Variants in SDK1 observed in about 807,000 individuals in gnomAD.
The protein encoded by SDK1 is protein sidekick-1.
In SDK1, 157 loss-of-function variants were observed where a neutral mutation model predicts 245.5. The ratio of observed to expected loss-of-function variants is 0.64; its 90% CI spans 0.56 to 0.73. The LOEUF is 0.73. SDK1 is among the 30% of genes least tolerant of loss of function. SDK1 has a pLI of 0.00. For synonymous variants in SDK1, 1,647 were observed against 1,278.5 expected, an observed-to-expected ratio of 1.29 and a Z score of -6.15; for missense variants, 3,583 against 3,002.3, an observed-to-expected ratio of 1.19 and a Z score of -4.52.
chr7:4,244,764 C>G (rs1468319838), intron 43 of SDK1, among the ~76,000 whole-genome samples: 1 of 152,100 alleles, frequency 6.6e-6, no homozygotes, highest in Admixed American at 6.6e-5. Flanking sequence ...GAATCTTCTT[C>G]CAAGCTCATT....
chr7:4,107,141 G>T (rs1232046471), intron 22 of SDK1, among the ~76,000 whole-genome samples: 2 of 148,126 alleles, frequency 1.4e-5, no homozygotes, highest in Non-Finnish European at 3.0e-5. Context: ...GGGTGGGGAG[G>T]GTGGGGAGGG....
intron 4 of SDK1, among the ~76,000 whole-genome samples, chr7:3,658,310 G>A (rs1027111194): frequency 6.6e-6 from 1 of 152,124 alleles, no homozygotes; most frequent in Non-Finnish European, 1.5e-5. Context: ...TTGCTTCCAA[G>A]TGACAGCCCC....
chr7:4,119,176 G>A (rs1219718007), intron 25 of SDK1, among the ~76,000 whole-genome samples: 2 of 148,648 alleles, frequency 1.3e-5, no homozygotes, highest in Admixed American at 1.3e-4. Context: ...TGGGCTGGGG[G>A]CTGTGATTCG....
chr7:3,581,141 G>C, intron 1 of SDK1, among the ~76,000 whole-genome samples: 1 of 152,080 alleles, frequency 6.6e-6, no homozygotes, highest in Admixed American at 6.6e-5. Context: ...AGCTTTTGCA[G>C]AGCAAAATAA....
chr7:4,229,601 G>A (rs972982426), intron 40 of SDK1, among the ~76,000 whole-genome samples: 1 of 152,050 alleles, frequency 6.6e-6, no homozygotes, highest in Non-Finnish European at 1.5e-5. Flanking sequence ...CTCAGGAGCA[G>A]GAAAGCATTA....
intron 1 of SDK1, among the ~76,000 whole-genome samples, chr7:3,443,851 G>A (rs1486943817): frequency 6.6e-6 from 1 of 152,190 alleles, no homozygotes; most frequent in Admixed American, 6.5e-5. Context: ...GTATAATAAA[G>A]TGCAAACTGA....
intron 34 of SDK1, 35 bp from the exon 35 acceptor site, chr7:4,178,450 G>C: frequency 1.3e-6 from 2 of 1,487,980 alleles, no homozygotes; most frequent in Non-Finnish European, 1.9e-6. Flanking sequence ...GGTGGTCCTG[G>C]TGGAAGCTGA....
At chr7:3,654,607 T>C (rs939332237) in intron 4 of SDK1, among the ~76,000 whole-genome samples, 1 of 152,166 alleles carries the variant, frequency 6.6e-6, no homozygotes, top group African/African-American at 2.4e-5. Flanking sequence ...TCTTCTCTTT[T>C]GGTGATGCTT....
intron 1 of SDK1, among the ~76,000 whole-genome samples, chr7:3,438,586 T>C (rs756648319): frequency 2.6e-5 from 4 of 152,144 alleles, no homozygotes; most frequent in African/African-American, 4.8e-5. Context: ...AGTTGGTCAG[T>C]AGGATGGTTA....
At chr7:3,869,889 A>G (rs1249075370) in intron 5 of SDK1, among the ~76,000 whole-genome samples, 1 of 152,208 alleles carries the variant, frequency 6.6e-6, no homozygotes, top group Non-Finnish European at 1.5e-5. Flanking sequence ...CCCACAGGGT[A>G]GGAAAAGAAA....
At chr7:3,407,841 A>C (rs369776210) in intron 1 of SDK1, among the ~76,000 whole-genome samples, 3 of 152,264 alleles carry the variant, frequency 2.0e-5, no homozygotes, top group African/African-American at 7.2e-5. Flanking sequence ...AAATCATTTA[A>C]CTGCCACTTA....
chr7:3,937,145 A>C (rs1780189722), intron 5 of SDK1, among the ~76,000 whole-genome samples: 1 of 151,920 alleles, frequency 6.6e-6, no homozygotes, highest in Non-Finnish European at 1.5e-5. Context: ...GAAACTTCTC[A>C]GCTCTCTTAC....
At chr7:4,244,526 C>G (rs1786718872) in intron 43 of SDK1, among the ~76,000 whole-genome samples, 2 of 152,196 alleles carry the variant, frequency 1.3e-5, no homozygotes, top group African/African-American at 4.8e-5. Flanking sequence ...TTACTCAGCT[C>G]AGATAGTCAC....
At chr7:3,751,909 C>G (rs28439431) in intron 4 of SDK1, among the ~76,000 whole-genome samples, 6,212 of 152,140 alleles carry the variant, frequency 0.041, 406 homozygotes, top group African/African-American at 0.14. Flanking sequence ...GTGGTTATAT[C>G]TAATATTTTG....
chr7:3,736,268 T>G (rs1779315438), intron 4 of SDK1, among the ~76,000 whole-genome samples: 1 of 152,182 alleles, frequency 6.6e-6, no homozygotes, highest in Non-Finnish European at 1.5e-5. Flanking sequence ...TTCTGTTCTT[T>G]TAAAAACTTT....
At chr7:3,533,456 A>G (rs1783416016) in intron 1 of SDK1, among the ~76,000 whole-genome samples, 1 of 152,198 alleles carries the variant, frequency 6.6e-6, no homozygotes, top group African/African-American at 2.4e-5. Flanking sequence ...AATAAATCCT[A>G]TGTATTCTCC....
intron 16 of SDK1, among the ~76,000 whole-genome samples, chr7:4,012,765 G>C (rs904749930): frequency 6.6e-6 from 1 of 151,390 alleles, no homozygotes; most frequent in African/African-American, 2.4e-5. Flanking sequence ...GTAGAGACAG[G>C]GTTTCACCAT....
chr7:3,386,266 A>C (rs538423534), intron 1 of SDK1, among the ~76,000 whole-genome samples: 1 of 152,192 alleles, frequency 6.6e-6, no homozygotes, highest in Non-Finnish European at 1.5e-5. Context: ...TACTTTATCT[A>C]TTAGAAGTTT....
chr7:4,110,512 AGG>A, intron 22 of SDK1, 149 bp from the exon 23 acceptor site: 1 of 625,728 alleles, frequency 1.6e-6, no homozygotes. Context: ...AAGGCACAAG[AGG>A]GGGTTGTGCA....
Sources: allele counts gnomAD v4.1 joint callset (sites outside exome capture counted in the v4.1 genomes callset), GRCh38; gene constraint gnomAD v4.1.1; transcripts MANE v1.5; gene names NCBI Gene and HGNC (gene_info 2026-07-23, HGNC 2026-07-21).